Variants in NAV2 observed in about 807,000 individuals in gnomAD.
The protein encoded by NAV2 is helicase, APC down-regulated 1.
NAV2 carries 54 observed loss-of-function variants against 223.2 expected under a neutral mutation model. That is an observed-to-expected ratio of 0.24 (90% CI 0.19 to 0.30). The LOEUF (loss-of-function observed/expected upper bound fraction) is 0.30. Among genes scored for constraint, NAV2 ranks in the 10% least tolerant of loss-of-function variants. The pLI, the probability that NAV2 is intolerant of heterozygous loss-of-function variation, is 1.00. For missense variants in NAV2, 2,806 were observed against 3,147.5 expected, an observed-to-expected ratio of 0.89 and a Z score of 2.60; for synonymous variants, 1,279 against 1,239.3, an observed-to-expected ratio of 1.03 and a Z score of -0.67.
intron 1 of NAV2, among the ~76,000 whole-genome samples, chr11:19,383,765 C>T (rs1564893918): frequency 6.6e-6 from 1 of 152,226 alleles, no homozygotes; most frequent in Non-Finnish European, 1.5e-5. Flanking sequence ...AGGACAGTGC[C>T]TGCTGTATAC....
intron 1 of NAV2, among the ~76,000 whole-genome samples, chr11:19,636,363 G>A (rs769657370): frequency 8.5e-5 from 13 of 152,140 alleles, no homozygotes; most frequent in Non-Finnish European, 1.5e-4. Flanking sequence ...GGCCCTGCCT[G>A]TAACTTAAGG....
intron 1 of NAV2, among the ~76,000 whole-genome samples, chr11:19,812,363 C>G: frequency 6.6e-6 from 1 of 152,038 alleles, no homozygotes; most frequent in African/African-American, 2.4e-5. Context: ...CCCTCCACTC[C>G]TGGCCATTCA....
At position 19,998,788 on chromosome 11, in the gene NAV2, C is replaced by T. The variant is rs2052228063; in HGVS notation, c.2768+14541C>T. 6.6e-6 allele frequency among the ~76,000 whole-genome samples: 1 copy of T among 152,220 alleles called. No homozygotes were observed. Among genetic ancestry groups the T allele is most frequent in the Admixed American group, 6.5e-5 (1 of 15,288 alleles). On this transcript the variant is annotated intron_variant, in intron 11 of 37. Transcript: ENST00000349880. This position sits in a 1 kb window ranked among gnomAD's most constrained non-coding sequence, Gnocchi z 5.0. ...ACTCAAACTTCACCACTTAGAGAGG[C>T]TGCTACTGACCACTCAATCTAAAGA...
chr11:19,397,418 T>TGTGTGCGTGTGTGTGTGTGTGTGC (rs57566081), intron 1 of NAV2, among the ~76,000 whole-genome samples: 2 of 145,356 alleles, frequency 1.4e-5, no homozygotes, highest in Admixed American at 1.4e-4. Flanking sequence ...TGTGTGTGTG[T>TGTGTGCGTGTGTGTGTGTGTGTGC]GCGCGCATGT....
intron 6 of NAV2, among the ~76,000 whole-genome samples, chr11:19,896,173 G>C (rs2041970189): frequency 6.6e-6 from 1 of 152,158 alleles, no homozygotes; most frequent in Admixed American, 6.5e-5. Flanking sequence ...TTTTCAAAAA[G>C]TAGTGGCAAA....
intron 1 of NAV2, among the ~76,000 whole-genome samples, chr11:19,569,023 G>A (rs2045351968): frequency 6.6e-6 from 1 of 152,234 alleles, no homozygotes; most frequent in African/African-American, 2.4e-5. Flanking sequence ...CTTCAGAGAA[G>A]TCAAATGGAT....
intron 1 of NAV2, among the ~76,000 whole-genome samples, chr11:19,660,536 G>A (rs1842876279): frequency 6.6e-6 from 1 of 152,096 alleles, no homozygotes; most frequent in Non-Finnish European, 1.5e-5. Context: ...TAGGGAGGGG[G>A]AGAAGCCACC....
intron 26 of NAV2, among the ~76,000 whole-genome samples, chr11:20,086,274 G>T (rs970827377): frequency 9.9e-5 from 15 of 152,184 alleles, no homozygotes; most frequent in Non-Finnish European, 2.1e-4. Flanking sequence ...TCACCCAGGG[G>T]CTCTTAGCCA....
At chr11:19,894,830 A>G (rs1029172036) in intron 6 of NAV2, among the ~76,000 whole-genome samples, 1 of 152,198 alleles carries the variant, frequency 6.6e-6, no homozygotes, top group African/African-American at 2.4e-5. Context: ...TCCCGGGTTC[A>G]AGCGATTCTC....
intron 1 of NAV2, among the ~76,000 whole-genome samples, chr11:19,437,244 A>G (rs963804341): frequency 7.9e-5 from 12 of 152,166 alleles, no homozygotes; most frequent in African/African-American, 2.7e-4. Flanking sequence ...CTTAAGGCTA[A>G]CCAGACAAAT....
chr11:19,577,298 A>C (rs1390356576), intron 1 of NAV2, among the ~76,000 whole-genome samples: 6 of 152,236 alleles, frequency 3.9e-5, no homozygotes, highest in African/African-American at 1.2e-4. Flanking sequence ...TGCTTCCTTC[A>C]TGGGGCTGCT....
chr11:20,070,870 C>T (rs2059357746), intron 22 of NAV2, among the ~76,000 whole-genome samples: 1 of 152,166 alleles, frequency 6.6e-6, no homozygotes, highest in Non-Finnish European at 1.5e-5. Flanking sequence ...AAATGGGATC[C>T]TCTGGATCTC....
intron 1 of NAV2, among the ~76,000 whole-genome samples, chr11:19,812,425 A>G (rs902114393): frequency 6.6e-6 from 1 of 151,968 alleles, no homozygotes; most frequent in African/African-American, 2.4e-5. Context: ...TAGTTTGCTT[A>G]TTTTTTATTA....
chr11:19,356,129 A>G (rs1225575375), intron 1 of NAV2, among the ~76,000 whole-genome samples: 2 of 152,196 alleles, frequency 1.3e-5, no homozygotes, highest in African/African-American at 2.4e-5. Flanking sequence ...GACATGAATG[A>G]AGGGAGTGTT....
chr11:19,407,456 G>A (rs772308597), intron 1 of NAV2, among the ~76,000 whole-genome samples: 8 of 152,234 alleles, frequency 5.3e-5, no homozygotes, highest in East Asian at 3.8e-4. Context: ...GATATAGCCC[G>A]AGGGTGGAAT....
chr11:19,891,448 T>C (rs1019269994), intron 5 of NAV2, among the ~76,000 whole-genome samples: 3 of 152,356 alleles, frequency 2.0e-5, no homozygotes, highest in African/African-American at 7.2e-5. Context: ...ATAATATCTT[T>C]AGACACATTA....
chr11:20,094,464 G>C (rs537181680), intron 29 of NAV2, among the ~76,000 whole-genome samples: 38 of 152,090 alleles, frequency 2.5e-4, no homozygotes, highest in African/African-American at 8.9e-4. Flanking sequence ...TCCCGACCTT[G>C]TGATCCACCT....
intron 1 of NAV2, among the ~76,000 whole-genome samples, chr11:19,795,858 T>G (rs1450399953): frequency 6.6e-6 from 1 of 152,252 alleles, no homozygotes; most frequent in African/African-American, 2.4e-5. Context: ...ATAGATACTT[T>G]GAGCCCTCCT....
intron 1 of NAV2, among the ~76,000 whole-genome samples, chr11:19,810,086 A>G (rs1455893097): frequency 6.6e-6 from 1 of 152,258 alleles, no homozygotes; most frequent in Non-Finnish European, 1.5e-5. Context: ...AATTCTATTT[A>G]CATGGAAGAT....
Sources: gnomAD v4.1 joint callset for allele counts (sites outside exome capture counted in the v4.1 genomes callset) on GRCh38, gnomAD v4.1.1 for gene constraint, Gnocchi (gnomAD v3.1) non-coding constraint, MANE v1.5 for transcripts, NCBI Gene and HGNC (gene_info 2026-07-23, HGNC 2026-07-21) for gene names.